Variants in UNC5B observed in about 807,000 individuals in gnomAD.
UNC5B encodes unc-5 netrin receptor B.
A neutral mutation model predicts 103.7 loss-of-function variants in UNC5B; 56 were observed. That is an observed-to-expected ratio of 0.54 (90% CI 0.44 to 0.67). UNC5B has a LOEUF of 0.67. Ranked by LOEUF, UNC5B falls within the 30% of genes least tolerant of loss-of-function variation. The pLI, the probability that UNC5B is intolerant of heterozygous loss-of-function variation, is 0.00. For missense variants in UNC5B, 1,194 were observed against 1,284.5 expected (o/e 0.93, Z 1.08); for synonymous variants, 577 against 542.0 (o/e 1.06, Z -0.90).
intron 1 of UNC5B, among the ~76,000 whole-genome samples, chr10:71,221,254 A>C (rs1174738033): frequency 6.6e-6 from 1 of 152,176 alleles, no homozygotes; most frequent in East Asian, 1.9e-4. Flanking sequence ...GATGCCAAGC[A>C]GGGCCCAGGA....
chr10:71,254,930 G>A (rs934297074), intron 1 of UNC5B, among the ~76,000 whole-genome samples: 2 of 152,190 alleles, frequency 1.3e-5, no homozygotes, highest in Admixed American at 6.5e-5. Context: ...TGGGAACTAA[G>A]TTCTGAAAAA....
At chr10:71,289,117 A>T (rs1845178711) in intron 8 of UNC5B, 127 bp downstream of exon 8, 1 of 1,235,880 alleles carries the variant, frequency 8.1e-7, no homozygotes, top group Admixed American at 2.0e-5. Flanking sequence ...CCACGGGATC[A>T]TCTACACCTG....
rs141402544 is a variant in UNC5B, at chr10:71,235,424, C to T, written c.79+22360C>T. ...CCTGGGTGGGACTGACCCACTTCAG[C>T]GGGAAGAAGAGGGTATGTGGACTGG... is the stretch of plus-strand genomic sequence containing the variant. On this transcript the variant is annotated intron_variant, in intron 1 of 16. Transcript: ENST00000335350. 1.4e-4 allele frequency among the ~76,000 whole-genome samples: 22 copies of T among 152,312 alleles called. 1 individual carries two copies. The East Asian group carries it at 4.1e-3, about 28-fold the overall frequency.
At chr10:71,261,015 T>C (rs1036090653) in intron 1 of UNC5B, among the ~76,000 whole-genome samples, 28 of 152,236 alleles carry the variant, frequency 1.8e-4, no homozygotes, top group African/African-American at 6.5e-4. Flanking sequence ...TGGTTCACTA[T>C]TAGGGGCCAG....
intron 1 of UNC5B, among the ~76,000 whole-genome samples, chr10:71,248,338 G>C (rs1325062873): frequency 6.6e-6 from 1 of 152,126 alleles, no homozygotes; most frequent in Non-Finnish European, 1.5e-5. Flanking sequence ...CAGGAGGGAG[G>C]CAATACACAC....
At position 71,301,462 on chromosome 10, in the gene UNC5B, C is replaced by G. The variant is rs1367880787; in HGVS notation, c.*2185C>G. 6.6e-6 allele frequency: 1 copy of G among 152,296 alleles called. No individual in the cohort carries two copies. The highest frequency in any genetic ancestry group is 2.4e-5 in the African/African-American group (1 of 41,466). The allele number at this position is 152,296 out of a possible 1,614,324, so 9.4% of individuals were successfully genotyped here. A position where few individuals can be genotyped will look rare whatever the true frequency, so the allele number is the denominator to read the frequency against. On this transcript the variant is annotated 3_prime_UTR_variant, in exon 17 of 17. Transcript: ENST00000335350. ...GAGGCTGAGACTAAGGCTTTCGACC[C>G]TGGTGCCTCCATGTGGATGCTGCCT...
chr10:71,272,158 G>A (rs867224607), intron 1 of UNC5B, among the ~76,000 whole-genome samples: 1 of 152,204 alleles, frequency 6.6e-6, no homozygotes, highest in South Asian at 2.1e-4. Flanking sequence ...GTGAATGGGA[G>A]AGATTTTCCA....
chr10:71,217,349 A>T (rs1265941614), intron 1 of UNC5B: 1 of 152,320 alleles, frequency 6.6e-6, no homozygotes, highest in East Asian at 1.9e-4. Context: ...GGGTTGGCTC[A>T]AGAGGTTGGG....
intron 2 of UNC5B, among the ~76,000 whole-genome samples, chr10:71,282,020 C>T (rs941658749): frequency 6.6e-6 from 1 of 152,198 alleles, no homozygotes; most frequent in African/African-American, 2.4e-5. Context: ...CCTCACAGGC[C>T]GTTAGCATAG....
intron 2 of UNC5B, among the ~76,000 whole-genome samples, chr10:71,283,367 A>C (rs1473249937): frequency 6.6e-6 from 1 of 152,194 alleles, no homozygotes; most frequent in Non-Finnish European, 1.5e-5. Flanking sequence ...ACTTGTCTAG[A>C]GTTTACCTTG....
chr10:71,291,937 A>ATT, intron 10 of UNC5B, 116 bp downstream of exon 10: 3 of 1,393,124 alleles, frequency 2.2e-6, no homozygotes, highest in Non-Finnish European at 2.8e-6. Flanking sequence ...CAGATGGGGA[A>ATT]AGGGAGGCCT....
chr10:71,244,777 T>C (rs910608049), intron 1 of UNC5B, among the ~76,000 whole-genome samples: 54 of 152,178 alleles, frequency 3.5e-4, no homozygotes, highest in African/African-American at 1.3e-3. Context: ...GGACACCCTG[T>C]GTGCATGCAT....
At chr10:71,265,689 C>T (rs1175850376) in intron 1 of UNC5B, among the ~76,000 whole-genome samples, 3 of 152,204 alleles carry the variant, frequency 2.0e-5, no homozygotes, top group Non-Finnish European at 2.9e-5. Flanking sequence ...CCGTGCGCTC[C>T]TCTTCCTCCC....
At chr10:71,261,024 A>G (rs147892012) in intron 1 of UNC5B, among the ~76,000 whole-genome samples, 1 of 152,322 alleles carries the variant, frequency 6.6e-6, no homozygotes, top group East Asian at 1.9e-4. Context: ...ATTAGGGGCC[A>G]GCGTGGGAAT....
In UNC5B at chr10:71,298,047, G is replaced by C; in HGVS notation, c.2629G>C (p.Gly877Arg). 1 of 1,613,366 alleles carries C rather than the reference G, an allele frequency of 6.2e-7. No individual in the cohort carries two copies. The highest frequency in any genetic ancestry group is 8.5e-7 in the Non-Finnish European group (1 of 1,179,832). ...CAGCCTAGATGCCCCCAACTCACGGGGCAATGACTGGCGGATGTTAGCACA... is the reference window on the plus strand; with the variant it reads ...CAGCCTAGATGCCCCCAACTCACGGCGCAATGACTGGCGGATGTTAGCACA... ...CNSLDAPNSR[G>R]NDWRMLAQKL... Residue 877 changes from glycine (G) to arginine (R), a missense_variant, in exon 16 of 17, where the codon GGC (glycine) becomes CGC (arginine). By Grantham distance (125) the Gly-to-Arg change is moderately radical (BLOSUM62 -2). Coordinates refer to ENST00000335350, the MANE Select transcript of UNC5B (RefSeq NM_170744.5).
rs1054096690 is a variant in UNC5B at position 71,212,879 on chromosome 10, C to G, written c.-107C>G. On this transcript the variant is annotated 5_prime_UTR_variant, in exon 1 of 17. Transcript: ENST00000335350. ...GGCACGGGCTGGCGCTGCCGGGCGCCGGGGAGGACGGCGAGGAGGAGGCGG... is the reference window on the plus strand; with the variant it reads ...GGCACGGGCTGGCGCTGCCGGGCGCGGGGGAGGACGGCGAGGAGGAGGCGG... 3.1e-6 allele frequency: 3 copies of G among 957,918 alleles called. No homozygotes were observed. The highest frequency in any genetic ancestry group is 3.4e-5 in the African/African-American group (2 of 58,612). The allele number at this position is 957,918 out of a possible 1,614,324, so 59.3% of individuals were successfully genotyped here.
chr10:71,280,476 A>G (rs753129505), intron 2 of UNC5B, among the ~76,000 whole-genome samples: 2 of 152,244 alleles, frequency 1.3e-5, no homozygotes, highest in African/African-American at 2.4e-5. Flanking sequence ...CAATAATGAT[A>G]TGGCATTTCC....
At chr10:71,221,383 A>T (rs139848138) in intron 1 of UNC5B, among the ~76,000 whole-genome samples, 209 of 152,330 alleles carry the variant, frequency 1.4e-3, no homozygotes, top group African/African-American at 4.8e-3. Context: ...TGTTAGAGAC[A>T]GACTTTGCAG....
At chr10:71,231,034 G>A (rs1270612419) in intron 1 of UNC5B, among the ~76,000 whole-genome samples, 3 of 152,206 alleles carry the variant, frequency 2.0e-5, no homozygotes, top group Non-Finnish European at 4.4e-5. Context: ...CTACAGCAAG[G>A]CAAATCACTT....
Sources: allele counts gnomAD v4.1 joint callset (sites outside exome capture counted in the v4.1 genomes callset), GRCh38; gene constraint gnomAD v4.1.1; transcripts MANE v1.5; gene names NCBI Gene and HGNC (gene_info 2026-07-23, HGNC 2026-07-21).